SLC5A8: variants seen among roughly 807,000 people sequenced by gnomAD.
SLC5A8 encodes the protein sodium-coupled monocarboxylate transporter 1.
Under a neutral mutation model 71.9 loss-of-function variants are expected in SLC5A8, and 55 were observed. That is an observed-to-expected ratio of 0.77 (90% CI 0.62 to 0.96). SLC5A8 has a LOEUF of 0.96. Ranked by LOEUF, SLC5A8 falls within the 40% of genes least tolerant of loss-of-function variation. The probability of loss-of-function intolerance (pLI) is 0.00; values close to 1 mark genes in which losing one functional copy is unlikely to be tolerated. For missense variants in SLC5A8, 701 were observed against 745.3 expected (o/e 0.94, Z 0.69); for synonymous variants, 307 against 276.1 (o/e 1.11, Z -1.11).
intron 6 of SLC5A8, 76 bp from the exon 7 acceptor site, chr12:101,187,591 C>A: frequency 6.9e-7 from 1 of 1,439,032 alleles, no homozygotes; most frequent in South Asian, 1.5e-5. Context: ...GTTACATGAT[C>A]AAAAGAGACC....
chr12:101,159,098 G>C (rs2051702407), intron 13 of SLC5A8, among the ~76,000 whole-genome samples: 1 of 152,032 alleles, frequency 6.6e-6, no homozygotes, highest in Admixed American at 6.6e-5. Flanking sequence ...CAGATTCCCA[G>C]ACTCTAGCCT....
chr12:101,158,670 C>T (rs1329847013), intron 13 of SLC5A8, among the ~76,000 whole-genome samples: 1 of 138,788 alleles, frequency 7.2e-6, no homozygotes, highest in Non-Finnish European at 1.5e-5. Context: ...AGCTTAAACG[C>T]AAGCCAACTG....
intron 12 of SLC5A8, among the ~76,000 whole-genome samples, chr12:101,164,223 T>C (rs2051748470): frequency 1.3e-5 from 2 of 152,172 alleles, no homozygotes; most frequent in African/African-American, 4.8e-5. Context: ...ATATCTCATA[T>C]CTAGAATATG....
intron 14 of SLC5A8, 27 bp from the exon 15 acceptor site, chr12:101,157,428 T>A (rs1555312608): frequency 1.3e-6 from 2 of 1,552,166 alleles, no homozygotes; most frequent in Non-Finnish European, 1.7e-6. Flanking sequence ...ACATGGTGAT[T>A]AGGGGGAGAA....
chr12:101,181,121 G>C (rs778532214), intron 9 of SLC5A8, among the ~76,000 whole-genome samples: 1 of 151,998 alleles, frequency 6.6e-6, no homozygotes, highest in Non-Finnish European at 1.5e-5. Flanking sequence ...TAAAATTTTT[G>C]TATTCCTTAT....
In SLC5A8 at chr12:101,186,073, C is replaced by T. The variant is rs368560626; in HGVS notation, c.963+1313G>A. Among the ~76,000 whole-genome samples, 1,209 of 142,734 alleles carry T rather than the reference C, an allele frequency of 8.5e-3. 12 individuals carry two copies. The highest frequency in any genetic ancestry group is 0.027 in the South Asian group (123 of 4,512). 93.6% of individuals were successfully genotyped at this position (142,734 alleles called of 152,430 possible). On this transcript the variant is annotated intron_variant, in intron 7 of 14. Coordinates refer to ENST00000536262, the MANE Select transcript of SLC5A8 (RefSeq NM_145913.5). Reference sequence around the variant, plus strand: ...ACAAGATGTCTCAAAGGTAGGAAGCCGTAGGGATTTTTTTTTTTTTTTTTT... The same window carrying T: ...ACAAGATGTCTCAAAGGTAGGAAGCTGTAGGGATTTTTTTTTTTTTTTTTT...
intron 3 of SLC5A8, among the ~76,000 whole-genome samples, chr12:101,196,484 A>G (rs1227521653): frequency 6.6e-6 from 1 of 152,198 alleles, no homozygotes; most frequent in Non-Finnish European, 1.5e-5. Context: ...AGGCTACTTT[A>G]AACATATTTT....
chr12:101,156,108 T>C lies in SLC5A8; in HGVS notation c.*1171A>G, dbSNP rs560245087. 6 of 152,242 alleles carry C rather than the reference T, an allele frequency of 3.9e-5. No individual in the cohort carries two copies. The South Asian group carries it at 1.2e-3, about 32-fold the overall frequency. The allele number at this position is 152,242 out of a possible 1,614,324, so 9.4% of individuals were successfully genotyped here. ...CTTTGAGACTGCTACTTAAAAATTT[T>C]AAAACATGGAACAAAGCATTTTTTG... On this transcript the variant is annotated 3_prime_UTR_variant, in exon 15 of 15. Transcript: ENST00000536262.
intron 1 of SLC5A8, 29 bp downstream of exon 1, chr12:101,209,469 G>A (rs1869821799): frequency 6.6e-7 from 1 of 1,521,822 alleles, no homozygotes; most frequent in South Asian, 1.3e-5. Context: ...CCCGCGCCCT[G>A]CATGGTCCCA....
intron 12 of SLC5A8, among the ~76,000 whole-genome samples, chr12:101,166,211 A>G (rs1050320237): frequency 6.6e-6 from 1 of 152,242 alleles, no homozygotes; most frequent in African/African-American, 2.4e-5. Flanking sequence ...TTCTTCATGC[A>G]GCTAAGAGCT....
rs1261896920 is a variant in SLC5A8, at chr12:101,188,187, G to T, written c.834-672C>A. Among the ~76,000 whole-genome samples the T allele has an allele frequency of 5.9e-5, 9 of 152,246 alleles. No homozygotes were observed. In the East Asian group the frequency reaches 1.4e-3, roughly 23 times the overall value. ...CTTCAGTTTCTTCACTGAAGTGTAG[G>T]ATAGCAATGCCTATGTCACAAAGTT... is the stretch of plus-strand genomic sequence containing the variant. On this transcript the variant is annotated intron_variant, in intron 6 of 14. Transcript: ENST00000536262.
intron 12 of SLC5A8, among the ~76,000 whole-genome samples, chr12:101,164,893 C>T (rs1385533420): frequency 6.6e-6 from 1 of 152,210 alleles, no homozygotes; most frequent in Non-Finnish European, 1.5e-5. Context: ...CAAACCTATG[C>T]ATTCTTGAAG....
intron 3 of SLC5A8, among the ~76,000 whole-genome samples, chr12:101,195,413 G>A (rs954092196): frequency 3.9e-5 from 6 of 152,108 alleles, no homozygotes; most frequent in East Asian, 1.9e-4. Flanking sequence ...ATGGAAAGGC[G>A]TTTATATTGT....
chr12:101,196,466 T>C (rs1337021177), intron 3 of SLC5A8, among the ~76,000 whole-genome samples: 1 of 152,080 alleles, frequency 6.6e-6, no homozygotes, highest in South Asian at 2.1e-4. Context: ...AAGACAGAGA[T>C]ACAAGTCAGG....
At chr12:101,186,351 A>G (rs1868645465) in intron 7 of SLC5A8, among the ~76,000 whole-genome samples, 2 of 152,054 alleles carry the variant, frequency 1.3e-5, no homozygotes, top group South Asian at 4.1e-4. Context: ...GGGTGTTTTT[A>G]TTTTCTCGGC....
At chr12:101,202,053 C>T in intron 3 of SLC5A8, 111 bp downstream of exon 3, 1 of 1,046,546 alleles carries the variant, frequency 9.6e-7, no homozygotes. Flanking sequence ...AAAGCTGATG[C>T]AGGTTACTAG....
intron 12 of SLC5A8, 116 bp from the exon 13 acceptor site, chr12:101,162,193 G>A: frequency 3.0e-6 from 2 of 671,378 alleles, no homozygotes; most frequent in Non-Finnish European, 5.2e-6. Context: ...TGTTTTTAAT[G>A]TCATAACCTG....
intron 13 of SLC5A8, among the ~76,000 whole-genome samples, chr12:101,160,796 G>A (rs954280387): frequency 1.5e-4 from 23 of 152,082 alleles, no homozygotes; most frequent in Non-Finnish European, 3.2e-4. Context: ...AAGACACGGA[G>A]AGGAAAAATA....
intron 8 of SLC5A8, among the ~76,000 whole-genome samples, chr12:101,183,804 G>A (rs1444762602): frequency 6.6e-6 from 1 of 152,174 alleles, no homozygotes; most frequent in African/African-American, 2.4e-5. Context: ...AGCCCCATGT[G>A]TGTTTTCAAT....
Sources: gnomAD v4.1 joint callset for allele counts (sites outside exome capture counted in the v4.1 genomes callset) on GRCh38, gnomAD v4.1.1 for gene constraint, MANE v1.5 for transcripts, NCBI Gene and HGNC (gene_info 2026-07-23, HGNC 2026-07-21) for gene names.